Variants in UGT1A8 observed in about 807,000 individuals in gnomAD.
UGT1A8 encodes the protein UDP glucuronosyltransferase family 1 member A8.
A neutral mutation model predicts 45.3 loss-of-function variants in UGT1A8; 39 were observed. That is an observed-to-expected ratio of 0.86 (90% CI 0.67 to 1.12). The LOEUF (loss-of-function observed/expected upper bound fraction) is 1.12, where lower values mean the gene tolerates loss of function less well. Among genes scored for constraint, UGT1A8 ranks in the 50% most tolerant of loss-of-function variants. UGT1A8 has a pLI of 0.00. For synonymous variants in UGT1A8, 275 were observed against 249.2 expected (o/e 1.10, Z -0.97); for missense variants, 719 against 664.9 (o/e 1.08, Z -0.90).
chr2:233,651,717 A>G (rs1443509542), intron 1 of UGT1A8, among the ~76,000 whole-genome samples: 1 of 152,168 alleles, frequency 6.6e-6, no homozygotes, highest in Non-Finnish European at 1.5e-5. Flanking sequence ...TTGCTGGACA[A>G]CAGGAGTCAT....
At chr2:233,640,052 G>A (rs1291962358) in intron 1 of UGT1A8, among the ~76,000 whole-genome samples, 3 of 152,220 alleles carry the variant, frequency 2.0e-5, no homozygotes, top group Non-Finnish European at 4.4e-5. Context: ...GGGATAGGAT[G>A]TGGTTACAGA....
At chr2:233,742,158 AC>A (rs1177147410) in intron 1 of UGT1A8, among the ~76,000 whole-genome samples, 1 of 151,894 alleles carries the variant, frequency 6.6e-6, no homozygotes, top group Non-Finnish European at 1.5e-5. Flanking sequence ...CGAATTAAAG[AC>A]ACACACACAG....
At chr2:233,667,039 C>T (rs1438691196) in intron 1 of UGT1A8, among the ~76,000 whole-genome samples, 1 of 152,102 alleles carries the variant, frequency 6.6e-6, no homozygotes, top group Non-Finnish European at 1.5e-5. Context: ...TTTCTTAATC[C>T]AGTCTATCAT....
intron 1 of UGT1A8, among the ~76,000 whole-genome samples, chr2:233,654,539 A>T (rs746038725): frequency 2.6e-5 from 4 of 152,252 alleles, no homozygotes; most frequent in African/African-American, 7.2e-5. Flanking sequence ...GCAGTTGATT[A>T]TATATTCATA....
chr2:233,772,410 C>A lies in UGT1A8; in HGVS notation c.1444C>A (p.Gln482Lys). ...CGCAGCCCACGACCTCACCTGGTAC[C>A]AGTACCATTCCTTGGACGTGATTGG... Reference protein sequence around the residue: ...RPAAHDLTWYQYHSLDVIGFL... With the variant: ...RPAAHDLTWYKYHSLDVIGFL... Residue 482 changes from glutamine to lysine, a missense_variant, in exon 5 of 5, where the codon CAG becomes AAG. Coordinates refer to ENST00000373450, the MANE Select transcript of UGT1A8 (RefSeq NM_019076.5). 1 of 1,614,220 alleles carries A rather than the reference C, an allele frequency of 6.2e-7. No homozygotes were observed. The highest frequency in any genetic ancestry group is 8.5e-7 in the Non-Finnish European group (1 of 1,180,040).
chr2:233,680,974 G>T (rs2074504580), intron 1 of UGT1A8, among the ~76,000 whole-genome samples: 1 of 151,968 alleles, frequency 6.6e-6, no homozygotes, highest in African/African-American at 2.4e-5. Flanking sequence ...AGGGTCCATG[G>T]AGGCAGGGTT....
At position 233,648,943 on chromosome 2, in the gene UGT1A8, G is replaced by C; in HGVS notation, c.855+30381G>C. On this transcript the variant is annotated intron_variant, in intron 1 of 4. Coordinates refer to ENST00000373450, the MANE Select transcript of UGT1A8 (RefSeq NM_019076.5). ...AATTTGGTTGCTGCGAATGGACTTT[G>C]TTTTGGAGTATCCCAAACCTGTGAT... 3 of 1,432,320 alleles carry C rather than the reference G, an allele frequency of 2.1e-6. No individual in the cohort carries two copies. In the African/African-American group the frequency reaches 4.2e-5, roughly 20 times the overall value. The allele number at this position is 1,432,320 out of a possible 1,614,324, so 88.7% of individuals were successfully genotyped here.
chr2:233,772,962 G>T lies in UGT1A8; in HGVS notation c.*403G>T, dbSNP rs1038101651. On this transcript the variant is annotated 3_prime_UTR_variant, in exon 5 of 5. Coordinates refer to ENST00000373450, the MANE Select transcript of UGT1A8 (RefSeq NM_019076.5). ...TTGGCTTCTGCAGATGGTTGCAATT[G>T]ATCCTTAACCAATAATGGTCAGTCC... 6.4e-6 allele frequency: 2 copies of T among 313,106 alleles called. No homozygotes were observed. Among genetic ancestry groups the T allele is most frequent in the Middle Eastern group, 1.1e-3 (1 of 878 alleles). 19.4% of individuals were successfully genotyped at this position (313,106 alleles called of 1,614,324 possible). A position where few individuals can be genotyped will look rare whatever the true frequency, so the allele number is the denominator to read the frequency against.
chr2:233,665,375 C>G (rs1199976046), intron 1 of UGT1A8, among the ~76,000 whole-genome samples: 4 of 152,200 alleles, frequency 2.6e-5, no homozygotes, highest in African/African-American at 9.6e-5. Context: ...ATATTCGTAG[C>G]CTCTGATGAA....
At chr2:233,619,546 G>A (rs933074053) in intron 1 of UGT1A8, among the ~76,000 whole-genome samples, 1 of 152,100 alleles carries the variant, frequency 6.6e-6, no homozygotes, top group African/African-American at 2.4e-5. Context: ...AGGAATATGT[G>A]TGTCTCACTA....
At chr2:233,643,326 G>T (rs1473492839) in intron 1 of UGT1A8, among the ~76,000 whole-genome samples, 2 of 152,052 alleles carry the variant, frequency 1.3e-5, no homozygotes, top group South Asian at 4.2e-4. Context: ...TCACCTTGTA[G>T]CCACTGCCAC....
intron 1 of UGT1A8, among the ~76,000 whole-genome samples, chr2:233,726,182 C>A (rs2077513267): frequency 6.6e-6 from 1 of 152,136 alleles, no homozygotes; most frequent in Admixed American, 6.6e-5. Flanking sequence ...ATAAAAATTT[C>A]TTTGGCATAT....
intron 1 of UGT1A8, among the ~76,000 whole-genome samples, chr2:233,678,844 C>A (rs1360054966): frequency 6.6e-6 from 1 of 152,182 alleles, no homozygotes; most frequent in Non-Finnish European, 1.5e-5. Context: ...TTATCCCCAA[C>A]ATTTTGTTGC....
At chr2:233,643,721 A>T (rs2073521913) in intron 1 of UGT1A8, among the ~76,000 whole-genome samples, 1 of 152,114 alleles carries the variant, frequency 6.6e-6, no homozygotes, top group Non-Finnish European at 1.5e-5. Flanking sequence ...ACGAGGTTTC[A>T]CTGCTGGTAT....
chr2:233,634,271 A>G (rs889307199), intron 1 of UGT1A8, among the ~76,000 whole-genome samples: 6 of 152,196 alleles, frequency 3.9e-5, no homozygotes. Context: ...GGTGCTGAGA[A>G]GAATATATAT....
At position 233,769,785 on chromosome 2, in the gene UGT1A8, T is replaced by G; in HGVS notation, c.1295+1346T>G. The G allele has an allele frequency of 7.5e-7, 1 of 1,329,352 alleles. No individual in the cohort carries two copies. Among genetic ancestry groups the G allele is most frequent in the Non-Finnish European group, 9.9e-7 (1 of 1,011,114 alleles). 82.3% of individuals were successfully genotyped at this position (1,329,352 alleles called of 1,614,324 possible). A position where few individuals can be genotyped will look rare whatever the true frequency, so the allele number is the denominator to read the frequency against. Reference sequence around the variant, plus strand: ...CGGGAGGATTGCTTGAGCCCAGAAGTTGGAGGCTGCTATGAGCCGTGATCA... The same window carrying G: ...CGGGAGGATTGCTTGAGCCCAGAAGGTGGAGGCTGCTATGAGCCGTGATCA... On this transcript the variant is annotated intron_variant, in intron 4 of 4. Coordinates refer to ENST00000373450, the MANE Select transcript of UGT1A8 (RefSeq NM_019076.5). The surrounding 1 kb of genome is among the most constrained non-coding windows in gnomAD (Gnocchi z 4.4).
intron 1 of UGT1A8, chr2:233,672,553 G>A: frequency 2.5e-6 from 4 of 1,613,956 alleles, no homozygotes; most frequent in Non-Finnish European, 3.4e-6. Flanking sequence ...CAAGGAGAGA[G>A]TACGGAACCA....
At chr2:233,667,351 C>T (rs1391037991) in intron 1 of UGT1A8, among the ~76,000 whole-genome samples, 2 of 152,156 alleles carry the variant, frequency 1.3e-5, no homozygotes, top group Non-Finnish European at 2.9e-5. Context: ...GAAACTGGAT[C>T]CCTTCCTTAC....
intron 1 of UGT1A8, among the ~76,000 whole-genome samples, chr2:233,622,503 A>G (rs1440009210): frequency 6.6e-6 from 1 of 152,050 alleles, no homozygotes; most frequent in Admixed American, 6.6e-5. Context: ...ATTTTTTCAT[A>G]TGTCTGTTGG....
Sources: gnomAD v4.1 joint callset for allele counts (sites outside exome capture counted in the v4.1 genomes callset) on GRCh38, gnomAD v4.1.1 for gene constraint, Gnocchi (gnomAD v3.1) non-coding constraint, MANE v1.5 for transcripts, NCBI Gene and HGNC (gene_info 2026-07-23, HGNC 2026-07-21) for gene names.